Variants in THRB observed in about 807,000 individuals in gnomAD.
THRB encodes the protein nuclear receptor subfamily 1 group A member 2.
A neutral mutation model predicts 47.8 loss-of-function variants in THRB; 12 were observed. That is an observed-to-expected ratio of 0.25 (90% CI 0.16 to 0.41). The LOEUF is 0.41. Among genes scored for constraint, THRB ranks in the 10% least tolerant of loss-of-function variants. THRB has a pLI of 1.00. For missense variants in THRB, 348 were observed against 589.2 expected, an observed-to-expected ratio of 0.59 and a Z score of 4.24; for synonymous variants, 218 against 212.2, an observed-to-expected ratio of 1.03 and a Z score of -0.24.
At chr3:24,475,404 T>C (rs908166719) in intron 1 of THRB, among the ~76,000 whole-genome samples, 2 of 152,164 alleles carry the variant, frequency 1.3e-5, no homozygotes, top group Admixed American at 6.5e-5. Context: ...ATATACTTTC[T>C]TATACTAATT....
chr3:24,171,612 T>A (rs1306942085), intron 5 of THRB, among the ~76,000 whole-genome samples: 2 of 152,136 alleles, frequency 1.3e-5, no homozygotes, highest in Admixed American at 1.3e-4. Flanking sequence ...CTGTATCATT[T>A]CTCCTATTGT....
intron 3 of THRB, among the ~76,000 whole-genome samples, chr3:24,289,379 A>C (rs889063023): frequency 6.6e-6 from 1 of 152,236 alleles, no homozygotes; most frequent in Non-Finnish European, 1.5e-5. Flanking sequence ...AAAAATTGCC[A>C]ACATTCAGTC....
At chr3:24,485,828 C>T (rs571743879) in intron 1 of THRB, among the ~76,000 whole-genome samples, 235 of 152,312 alleles carry the variant, frequency 1.5e-3, no homozygotes, top group Non-Finnish European at 2.6e-3. Flanking sequence ...ATTGGACTTA[C>T]AAATATTTTA....
chr3:24,297,136 T>C (rs1035743158), intron 3 of THRB, 90 bp downstream of exon 3: 43 of 152,204 alleles, frequency 2.8e-4, no homozygotes, highest in African/African-American at 9.9e-4. Flanking sequence ...ATAAGAAGTG[T>C]AAGTGATGAG....
intron 3 of THRB, among the ~76,000 whole-genome samples, chr3:24,251,202 C>T (rs1423127971): frequency 6.6e-6 from 1 of 151,992 alleles, no homozygotes; most frequent in Non-Finnish European, 1.5e-5. Flanking sequence ...ACCCTCAATG[C>T]TGTACTTACT....
intron 8 of THRB, among the ~76,000 whole-genome samples, chr3:24,134,075 T>A (rs2034279814): frequency 6.6e-6 from 1 of 152,162 alleles, no homozygotes; most frequent in South Asian, 2.1e-4. Context: ...GTGGTGAATT[T>A]ACTAGTATTT....
At chr3:24,333,165 T>C (rs2062032070) in intron 2 of THRB, among the ~76,000 whole-genome samples, 2 of 151,988 alleles carry the variant, frequency 1.3e-5, no homozygotes, top group Admixed American at 1.3e-4. Flanking sequence ...TGTGAACAGC[T>C]CTTACAAGCA....
At chr3:24,481,435 C>T (rs1696402292) in intron 1 of THRB, among the ~76,000 whole-genome samples, 1 of 151,966 alleles carries the variant, frequency 6.6e-6, no homozygotes, top group African/African-American at 2.4e-5. Context: ...TTGGTCAAAA[C>T]ATCAGGAAAG....
At chr3:24,219,583 C>A (rs1035293655) in intron 4 of THRB, among the ~76,000 whole-genome samples, 3 of 152,198 alleles carry the variant, frequency 2.0e-5, no homozygotes, top group Non-Finnish European at 4.4e-5. Context: ...ACACAGTCCT[C>A]AGGAGTAGAG....
At position 24,143,547 on chromosome 3, in the gene THRB, G is replaced by A. The variant is rs768167319; in HGVS notation, c.692C>T (p.Ala231Val). Residue 231 changes from alanine to valine, a missense_variant, in exon 8 of 11, where the codon GCG becomes GTG. By Grantham distance (64) the Ala-to-Val change is moderately conservative. Transcript: ENST00000646209. ...LIKTVTEAHV[A>V]TNAQGSHWKQ... ...CCAGTGGCTGCCTTGGGCGTTGGTC[G>A]CCACATGGGCTTCGGTGACAGTTTT... The A allele has an allele frequency of 2.5e-6, 4 of 1,614,190 alleles. No individual in the cohort carries two copies. The highest frequency in any genetic ancestry group is 4.5e-5 in the East Asian group (2 of 44,880).
At chr3:24,272,408 A>G (rs2053448203) in intron 3 of THRB, among the ~76,000 whole-genome samples, 1 of 152,036 alleles carries the variant, frequency 6.6e-6, no homozygotes, top group South Asian at 2.1e-4. Context: ...AAACCAACCA[A>G]AAACCCTCTC....
chr3:24,416,827 C>G (rs2068772096), intron 1 of THRB, among the ~76,000 whole-genome samples: 1 of 151,834 alleles, frequency 6.6e-6, no homozygotes, highest in South Asian at 2.1e-4. Context: ...GCCCAGGAAT[C>G]TGCACTGTAA....
chr3:24,224,506 G>C (rs925706180), intron 4 of THRB, among the ~76,000 whole-genome samples: 1 of 152,074 alleles, frequency 6.6e-6, no homozygotes, highest in Non-Finnish European at 1.5e-5. Context: ...TAGGACATAT[G>C]CACCACCGTG....
intron 5 of THRB, among the ~76,000 whole-genome samples, chr3:24,183,033 T>C (rs1009762902): frequency 3.3e-5 from 5 of 152,232 alleles, no homozygotes; most frequent in African/African-American, 1.2e-4. Flanking sequence ...CCCCTTGATT[T>C]CTTATTTAAA....
chr3:24,318,204 TG>T (rs2058252514), intron 2 of THRB, among the ~76,000 whole-genome samples: 1 of 152,232 alleles, frequency 6.6e-6, no homozygotes, highest in African/African-American at 2.4e-5. Flanking sequence ...GGAGAGTCTC[TG>T]GGTTGAAATT....
intron 4 of THRB, among the ~76,000 whole-genome samples, chr3:24,218,204 C>T (rs2046779973): frequency 6.6e-6 from 1 of 151,838 alleles, no homozygotes; most frequent in African/African-American, 2.4e-5. Flanking sequence ...GGAGACGGAG[C>T]TTGCAGTGAG....
In THRB at chr3:24,307,197, C is replaced by G. The variant is rs77968575; in HGVS notation, c.-188-9826G>C. ...GTGTATGCTGAACACTATCTGAAACCATGAATTAGTTTTAAATTTACTGAA... is the reference window on the plus strand; with the variant it reads ...GTGTATGCTGAACACTATCTGAAACGATGAATTAGTTTTAAATTTACTGAA... On this transcript the variant is annotated intron_variant, in intron 2 of 10. Transcript: ENST00000646209. Among the ~76,000 whole-genome samples the G allele has an allele frequency of 1.0e-3, 157 of 151,922 alleles. 4 individuals are homozygous for G. The East Asian group carries it at 0.027, about 26-fold the overall frequency.
intron 4 of THRB, among the ~76,000 whole-genome samples, chr3:24,208,213 G>A (rs569913333): frequency 1.3e-5 from 2 of 151,884 alleles, no homozygotes. Context: ...ACAAACAAAT[G>A]GAAGAACATT....
chr3:24,232,374 A>C (rs1357342908), intron 3 of THRB, among the ~76,000 whole-genome samples: 2 of 152,208 alleles, frequency 1.3e-5, no homozygotes, highest in Non-Finnish European at 1.5e-5. Context: ...ATAAATGCAA[A>C]AATATATACA....
Sources: gnomAD v4.1 joint callset for allele counts (sites outside exome capture counted in the v4.1 genomes callset) on GRCh38, gnomAD v4.1.1 for gene constraint, MANE v1.5 for transcripts, NCBI Gene and HGNC (gene_info 2026-07-23, HGNC 2026-07-21) for gene names.